Variants in SEC11A observed in about 807,000 individuals in gnomAD.
SEC11A encodes SEC11 homolog A, signal peptidase complex subunit.
Under a neutral mutation model 25.6 loss-of-function variants are expected in SEC11A, and 14 were observed. The observed-to-expected ratio is 0.55, with a 90% CI of 0.36 to 0.85. The LOEUF is 0.85. Ranked by LOEUF, SEC11A falls within the 40% of genes least tolerant of loss-of-function variation. SEC11A has a pLI of 0.01. For synonymous variants in SEC11A, 83 were observed against 76.4 expected (o/e 1.09, Z -0.45); for missense variants, 153 against 222.9 (o/e 0.69, Z 2.00).
chr15:84,709,815 T>C (rs1001353458), intron 1 of SEC11A, among the ~76,000 whole-genome samples: 1 of 152,124 alleles, frequency 6.6e-6, no homozygotes, highest in African/African-American at 2.4e-5. Flanking sequence ...CAATCTTGAT[T>C]CACTGCAACC....
chr15:84,713,429 T>C (rs1898351105), intron 1 of SEC11A, among the ~76,000 whole-genome samples: 1 of 152,210 alleles, frequency 6.6e-6, no homozygotes, highest in South Asian at 2.1e-4. Flanking sequence ...ATTCTCAGTA[T>C]CTACATGTAT....
chr15:84,684,009 G>C (rs989149810), intron 3 of SEC11A, among the ~76,000 whole-genome samples: 7 of 152,184 alleles, frequency 4.6e-5, no homozygotes, highest in African/African-American at 1.7e-4. Flanking sequence ...TGTGAAATTA[G>C]GAAGAAGGAA....
rs780104238 is a variant in SEC11A at position 84,680,843 on chromosome 15, T to A, written c.312-11A>T. On this transcript the variant is annotated splice_polypyrimidine_tract_variant and intron_variant, in intron 3 of 5. Transcript: ENST00000268220. ...ATATGCCCATTTTGCCTTAAAAGAG[T>A]AAAGGAAACCCAAGTCATCAAATAC... The A allele has an allele frequency of 6.3e-7, 1 of 1,594,276 alleles. No homozygotes were observed. The highest frequency in any genetic ancestry group is 8.6e-7 in the Non-Finnish European group (1 of 1,169,230).
chr15:84,687,870 G>C lies in SEC11A; in HGVS notation c.162-96C>G, dbSNP rs1316901139. ...TCAACAAAATAAAAAATATCACTTT[G>C]GGAGTATACTCAATACCCTAACAAC... On this transcript the variant is annotated intron_variant, in intron 2 of 5. Transcript: ENST00000268220. The C allele has an allele frequency of 2.9e-6, 3 of 1,032,612 alleles. No homozygotes were observed. In the East Asian group the frequency reaches 8.2e-5, roughly 28 times the overall value. 64.0% of individuals were successfully genotyped at this position (1,032,612 alleles called of 1,614,324 possible).
intron 3 of SEC11A, among the ~76,000 whole-genome samples, chr15:84,683,648 C>T (rs1897336580): frequency 6.6e-6 from 1 of 152,116 alleles, no homozygotes; most frequent in Middle Eastern, 3.4e-3. Context: ...CCTCAGCCTC[C>T]CGAGCAGCTG....
At chr15:84,670,988 G>T in intron 4 of SEC11A, 1 of 404,370 alleles carries the variant, frequency 2.5e-6, no homozygotes. Flanking sequence ...GGAAACAGAT[G>T]ATCATGCCCA....
intron 3 of SEC11A, among the ~76,000 whole-genome samples, chr15:84,682,616 T>A (rs1897310278): frequency 6.6e-6 from 1 of 151,584 alleles, no homozygotes; most frequent in Admixed American, 6.6e-5. Context: ...ACCCAGCTAT[T>A]TTTTTTGTAT....
chr15:84,705,770 G>A (rs953507742), intron 1 of SEC11A, among the ~76,000 whole-genome samples: 14 of 151,626 alleles, frequency 9.2e-5, no homozygotes, highest in East Asian at 2.0e-4. Flanking sequence ...CAGGAGAACC[G>A]CTTGAACCCA....
intron 4 of SEC11A, chr15:84,672,982 G>A (rs1596066421): frequency 8.8e-6 from 2 of 228,204 alleles, no homozygotes; most frequent in South Asian, 4.1e-5. Flanking sequence ...GAGACCCTCT[G>A]CCTGGCAACC....
In SEC11A at chr15:84,670,065, G is replaced by C. The variant is rs770709099; in HGVS notation, c.494C>G (p.Ala165Gly). The C allele has an allele frequency of 2.0e-5, 33 of 1,612,692 alleles. No individual in the cohort carries two copies. Among genetic ancestry groups the C allele is most frequent in the Non-Finnish European group, 2.8e-5 (33 of 1,179,356 alleles). ...LMNDYPKFKYAVLFLLGLFVL... is the reference protein window; with the variant it reads ...LMNDYPKFKYGVLFLLGLFVL... ...GAATAAACCCAGCAAAAAGAGAACT[G>C]CATACTAGAAAATAAACACAGAACC... Residue 165 changes from alanine (A) to glycine (G), a missense_variant, in exon 6 of 6, where the codon GCA becomes GGA. Transcript: ENST00000268220.
intron 4 of SEC11A, among the ~76,000 whole-genome samples, chr15:84,677,771 C>A (rs1032671862): frequency 6.6e-6 from 1 of 152,138 alleles, no homozygotes; most frequent in Non-Finnish European, 1.5e-5. Flanking sequence ...CCGCACCCAG[C>A]CCAGAATTTT....
intron 1 of SEC11A, among the ~76,000 whole-genome samples, chr15:84,712,658 G>A (rs1898317738): frequency 6.6e-6 from 1 of 151,816 alleles, no homozygotes; most frequent in South Asian, 2.1e-4. Context: ...ATGTTGGCCA[G>A]GCTGGTCTTG....
At chr15:84,687,886 C>T (rs1173296799) in intron 2 of SEC11A, 112 bp from the exon 3 acceptor site, 1 of 833,408 alleles carries the variant, frequency 1.2e-6, no homozygotes, top group Admixed American at 3.5e-5. Context: ...ATACTCAATA[C>T]CCTAACAACT....
At chr15:84,677,824 A>G (rs1000111383) in intron 4 of SEC11A, among the ~76,000 whole-genome samples, 5 of 152,122 alleles carry the variant, frequency 3.3e-5, no homozygotes, top group African/African-American at 9.7e-5. Flanking sequence ...AAGCTCCCCT[A>G]ACCTTTCGTA....
At chr15:84,711,273 T>C (rs544665711) in intron 1 of SEC11A, among the ~76,000 whole-genome samples, 22 of 151,814 alleles carry the variant, frequency 1.4e-4, no homozygotes, top group South Asian at 4.2e-4. Context: ...TCCCAGCTAC[T>C]CCAGAGGCTG....
chr15:84,709,994 C>T (rs973120937), intron 1 of SEC11A, among the ~76,000 whole-genome samples: 5 of 151,730 alleles, frequency 3.3e-5, no homozygotes, highest in African/African-American at 9.7e-5. Context: ...TCATCCATCT[C>T]GGCCTCCACC....
Position 84,716,138 on chromosome 15 carries a change from C to T in SEC11A, c.-63G>A. Reference sequence around the variant, plus strand: ...GCGCGATGACCAGCGGGCGGAACTACTGGAGCTCGGGTCGGGCTCACACTG... The same window carrying T: ...GCGCGATGACCAGCGGGCGGAACTATTGGAGCTCGGGTCGGGCTCACACTG... On this transcript the variant is annotated 5_prime_UTR_variant, in exon 1 of 6. Transcript: ENST00000268220. 2 of 1,522,078 alleles carry T rather than the reference C, an allele frequency of 1.3e-6. No individual in the cohort carries two copies. The highest frequency in any genetic ancestry group is 1.8e-6 in the Non-Finnish European group (2 of 1,100,246). The allele number at this position is 1,522,078 out of a possible 1,614,324, so 94.3% of individuals were successfully genotyped here. A position where few individuals can be genotyped will look rare whatever the true frequency, so the allele number is the denominator to read the frequency against.
At chr15:84,672,503 G>C (rs945057342) in intron 4 of SEC11A, 2 of 168,018 alleles carry the variant, frequency 1.2e-5, no homozygotes, top group Admixed American at 6.4e-5. Context: ...TCCTAACCGC[G>C]AGTGGTCCGC....
intron 1 of SEC11A, among the ~76,000 whole-genome samples, chr15:84,703,945 G>A (rs1039614636): frequency 1.3e-5 from 2 of 152,090 alleles, no homozygotes; most frequent in African/African-American, 4.8e-5. Context: ...CCAGCCACCT[G>A]TCTTACCCAA....
Sources: allele counts gnomAD v4.1 joint callset (sites outside exome capture counted in the v4.1 genomes callset), GRCh38; gene constraint gnomAD v4.1.1; transcripts MANE v1.5; gene names NCBI Gene and HGNC (gene_info 2026-07-23, HGNC 2026-07-21).